STK32A: variants seen among roughly 807,000 people sequenced by gnomAD.
STK32A encodes serine/threonine-protein kinase 32A.
Under a neutral mutation model 53.2 loss-of-function variants are expected in STK32A, and 41 were observed. The observed-to-expected ratio is 0.77, with a 90% CI of 0.60 to 1.00. STK32A has a LOEUF of 1.00. STK32A is among the 50% of genes least tolerant of loss of function. The pLI is 0.00. For missense variants in STK32A, 458 were observed against 485.8 expected (o/e 0.94, Z 0.54); for synonymous variants, 166 against 162.8 (o/e 1.02, Z -0.15).
chr5:147,380,456 A>G (rs1757407209), intron 11 of STK32A, among the ~76,000 whole-genome samples: 1 of 151,820 alleles, frequency 6.6e-6, no homozygotes, highest in Non-Finnish European at 1.5e-5. Context: ...AACTTAGCAT[A>G]TTCTAATTCC....
chr5:147,358,676 G>T (rs1278394973), intron 7 of STK32A, among the ~76,000 whole-genome samples: 1 of 151,950 alleles, frequency 6.6e-6, no homozygotes, highest in Non-Finnish European at 1.5e-5. Flanking sequence ...AAGAATACAA[G>T]GAATACGATT....
intron 4 of STK32A, among the ~76,000 whole-genome samples, chr5:147,298,943 G>A (rs888451142): frequency 1.3e-5 from 2 of 152,174 alleles, no homozygotes; most frequent in African/African-American, 4.8e-5. Context: ...CGAGATGGCT[G>A]CCAGATCTGG....
intron 4 of STK32A, among the ~76,000 whole-genome samples, chr5:147,282,164 A>C (rs72831332): frequency 0.046 from 6,993 of 152,252 alleles, 203 homozygotes; most frequent in Middle Eastern, 0.11. Context: ...TAAAGCATAA[A>C]TCACAGAGGA....
intron 2 of STK32A, among the ~76,000 whole-genome samples, chr5:147,272,610 C>G (rs1373611167): frequency 2.1e-5 from 3 of 140,766 alleles, no homozygotes; most frequent in African/African-American, 8.2e-5. Flanking sequence ...CAGAGAGAAT[C>G]TCTTAAAGGG....
At chr5:147,335,799 G>A (rs1213065865) in intron 5 of STK32A, among the ~76,000 whole-genome samples, 1 of 152,164 alleles carries the variant, frequency 6.6e-6, no homozygotes, top group Non-Finnish European at 1.5e-5. Context: ...GTATGTGTGT[G>A]TGTGTGCGCG....
chr5:147,240,700 G>A (rs1753535625), intron 2 of STK32A, among the ~76,000 whole-genome samples: 1 of 152,230 alleles, frequency 6.6e-6, no homozygotes, highest in Admixed American at 6.5e-5. Flanking sequence ...AAGTTTGATT[G>A]CTGAAATGAA....
chr5:147,282,144 G>A (rs1752093413), intron 4 of STK32A, among the ~76,000 whole-genome samples: 1 of 151,950 alleles, frequency 6.6e-6, no homozygotes, highest in African/African-American at 2.4e-5. Flanking sequence ...ACATCAAAAT[G>A]GAACCTCTTT....
chr5:147,280,639 C>T (rs1176851726), intron 4 of STK32A, among the ~76,000 whole-genome samples: 1 of 151,448 alleles, frequency 6.6e-6, no homozygotes, highest in African/African-American at 2.4e-5. Flanking sequence ...GCAGCAAGGC[C>T]CACCCAAAGG....
chr5:147,280,455 G>A lies in STK32A; in HGVS notation c.260+1057G>A, dbSNP rs1029896722. On this transcript the variant is annotated intron_variant, in intron 4 of 12. Coordinates refer to ENST00000397936, the MANE Select transcript of STK32A (RefSeq NM_001112724.2). ...GGGGGAGGGGGGTGGTGGAAAGCAC[G>A]GTGGGAGTGAGACCGGCCCTTCGGT... 2.0e-4 allele frequency among the ~76,000 whole-genome samples: 30 copies of A among 151,908 alleles called. 1 individual carries two copies. The East Asian group carries it at 4.7e-3, about 24-fold the overall frequency.
chr5:147,256,450 ATTTGCATCTTGGTATCCTGTCTTAG>A (rs1408469264), intron 2 of STK32A, among the ~76,000 whole-genome samples: 1 of 152,176 alleles, frequency 6.6e-6, no homozygotes, highest in Non-Finnish European at 1.5e-5. Context: ...CTAACCAGGC[ATTTGCATCTTGGTATCCTGTCTTAG>A]TTGCCAAAGT....
At chr5:147,259,004 G>T (rs1169435296) in intron 2 of STK32A, among the ~76,000 whole-genome samples, 1 of 151,976 alleles carries the variant, frequency 6.6e-6, no homozygotes. Context: ...CAATTATTAG[G>T]CAGTTTTCCT....
chr5:147,293,627 G>C (rs1172490343), intron 4 of STK32A, among the ~76,000 whole-genome samples: 3 of 151,844 alleles, frequency 2.0e-5, no homozygotes, highest in African/African-American at 7.3e-5. Flanking sequence ...TAGCCAAAGT[G>C]ATAATTCCAA....
intron 4 of STK32A, among the ~76,000 whole-genome samples, chr5:147,316,399 A>G (rs1753992197): frequency 6.6e-6 from 1 of 152,238 alleles, no homozygotes; most frequent in African/African-American, 2.4e-5. Flanking sequence ...GATAGCCAGC[A>G]ATATGTTTTC....
chr5:147,237,859 A>G (rs1676919963), intron 1 of STK32A, among the ~76,000 whole-genome samples: 1 of 152,194 alleles, frequency 6.6e-6, no homozygotes, highest in Non-Finnish European at 1.5e-5. Context: ...TAGGGGTTTC[A>G]TAAGTTCTTT....
rs1756475009 is a variant in STK32A at position 147,360,895 on chromosome 5, A to G, written c.563-622A>G. 2.6e-5 allele frequency among the ~76,000 whole-genome samples: 4 copies of G among 152,262 alleles called. No homozygotes were observed. The South Asian group carries it at 8.3e-4, about 32-fold the overall frequency. On this transcript the variant is annotated intron_variant, in intron 7 of 12. Coordinates refer to ENST00000397936, the MANE Select transcript of STK32A (RefSeq NM_001112724.2). ...AACTTGGGGTCCTCTCTGGGGGTAA[A>G]ATTGACTGTAGCTCTGCCTTCCACT...
chr5:147,355,035 A>G (rs1357283111), intron 7 of STK32A, among the ~76,000 whole-genome samples: 2 of 152,190 alleles, frequency 1.3e-5, no homozygotes, highest in Non-Finnish European at 2.9e-5. Flanking sequence ...TACCAAATCT[A>G]TCAGCACCCA....
chr5:147,370,783 A>G lies in STK32A; in HGVS notation c.777+13A>G. ...ACTTCTTAAAAAGGTAAGAAGGAAG[A>G]CTGCATGTCCAAACGAAGTAACAAA... On this transcript the variant is annotated intron_variant, in intron 9 of 12. Coordinates refer to ENST00000397936, the MANE Select transcript of STK32A (RefSeq NM_001112724.2). 6.5e-7 allele frequency: 1 copy of G among 1,546,352 alleles called. No individual in the cohort carries two copies. Among genetic ancestry groups the G allele is most frequent in the South Asian group, 1.1e-5 (1 of 89,414 alleles).
intron 9 of STK32A, among the ~76,000 whole-genome samples, chr5:147,372,200 G>A (rs987488697): frequency 1.3e-5 from 2 of 150,650 alleles, no homozygotes; most frequent in South Asian, 4.2e-4. Context: ...GTTATAGCGG[G>A]AGGTCAAAAG....
In STK32A at chr5:147,253,067, A is replaced by G. The variant is rs72822047; in HGVS notation, c.52+13381A>G. ...TGAAATTTGTTGATTTTCTTGAATA[A>G]TTTAGCAGTTGTACAATTCTAAAAC... On this transcript the variant is annotated intron_variant, in intron 2 of 12. Coordinates refer to ENST00000397936, the MANE Select transcript of STK32A (RefSeq NM_001112724.2). Among the ~76,000 whole-genome samples, 885 of 152,338 alleles carry G rather than the reference A, an allele frequency of 5.8e-3. 8 individuals are homozygous for G. Among genetic ancestry groups the G allele is most frequent in the Non-Finnish European group, 8.8e-3 (599 of 68,032 alleles).
Sources: allele counts gnomAD v4.1 joint callset (sites outside exome capture counted in the v4.1 genomes callset), GRCh38; gene constraint gnomAD v4.1.1; transcripts MANE v1.5; gene names NCBI Gene and HGNC (gene_info 2026-07-23, HGNC 2026-07-21).